The following RBM15 variants were observed in gnomAD, a reference collection of about 807,000 sequenced individuals.
RBM15 encodes the protein RNA-binding protein 15.
RBM15 carries 8 observed loss-of-function variants against 62.6 expected under a neutral mutation model. That is an observed-to-expected ratio of 0.13 (90% confidence interval 0.07 to 0.23). The LOEUF (loss-of-function observed/expected upper bound fraction) is 0.23. RBM15 is among the 10% of genes least tolerant of loss of function. The probability of loss-of-function intolerance (pLI) is 1.00; values close to 1 mark genes in which losing one functional copy is unlikely to be tolerated. For synonymous variants in RBM15, 606 were observed against 505.7 expected, an observed-to-expected ratio of 1.20 and a Z score of -2.66; for missense variants, 1,144 against 1,286.5, an observed-to-expected ratio of 0.89 and a Z score of 1.69.
rs1359044531 is a variant in RBM15, at chr1:110,342,965, C to T, written c.2863+697C>T. On this transcript the variant is annotated intron_variant, in intron 1 of 2. Transcript: ENST00000369784. ...AAAAATTAAGGACTATGTTACAAAC[C>T]ATATATGTCTTATGCTTACACTAGT... 5.9e-5 allele frequency among the ~76,000 whole-genome samples: 9 copies of T among 152,162 alleles called. No homozygotes were observed. In the East Asian group the frequency reaches 1.5e-3, roughly 26 times the overall value.
chr1:110,343,361 T>C (rs1255937774), intron 1 of RBM15, among the ~76,000 whole-genome samples: 13 of 152,232 alleles, frequency 8.5e-5, no homozygotes. Flanking sequence ...CATTACATTA[T>C]TGAAAATGTT....
Position 110,339,576 on chromosome 1 carries a change from C to T in RBM15, c.171C>T (p.Arg57=), listed in dbSNP as rs763912671. The change falls in exon 1 of 3, where the codon CGC becomes CGT. Residue 57 remains arginine (R), a synonymous_variant. Transcript: ENST00000369784. ...AGCGCTCGCCAGTGAAGGCCAAACG[C>T]TCCCGTGGTGGTGAGGACTCGACTT... ...GKERSPVKAK[R]SRGGEDSTSR... The T allele has an allele frequency of 1.7e-5, 28 of 1,607,036 alleles. No homozygotes were observed. The highest frequency in any genetic ancestry group is 2.1e-5 in the Non-Finnish European group (25 of 1,174,906).
chr1:110,346,616 CG>C lies in RBM15; in HGVS notation c.*350del. ...AGCTTAAGAGTAGCTGTCTCTCAAA[CG>C]TGCGCTCACAGTTGAGCTGCTTTTG... On this transcript the variant is annotated 3_prime_UTR_variant, in exon 3 of 3. Coordinates refer to ENST00000369784, the MANE Select transcript of RBM15 (RefSeq NM_022768.5). 2.2e-6 allele frequency: 1 copy of C among 458,776 alleles called. No homozygotes were observed. Among genetic ancestry groups the C allele is most frequent in the Non-Finnish European group, 3.9e-6 (1 of 259,240 alleles). The allele number at this position is 458,776 out of a possible 1,614,324, so 28.4% of individuals were successfully genotyped here.
rs760513091 is a variant in RBM15, at chr1:110,339,888, C to T, written c.483C>T (p.Pro161=). 3.1e-6 allele frequency: 5 copies of T among 1,604,064 alleles called. No homozygotes were observed. The highest frequency in any genetic ancestry group is 3.4e-6 in the Non-Finnish European group (4 of 1,172,096). ...SRSSGAASSA[P]GGGDGAEYKT... ...CCTCTGGGGCCGCCTCCTCAGCTCC[C>T]GGCGGCGGGGACGGCGCGGAATACA... Residue 161 remains proline, a synonymous_variant, in exon 1 of 3, where the codon CCC becomes CCT. Transcript: ENST00000369784.
Position 110,339,435 on chromosome 1 carries a change from G to T in RBM15, c.30G>T (p.Pro10=). ...GGACTGCGGGGCGGGACCCTGTGCC[G>T]CGGCGGAGTCCAAGATGGCGGCGTG... is the stretch of plus-strand genomic sequence containing the variant. The part of the protein sequence containing the change: MRTAGRDPV[P]RRSPRWRRAV... The change falls in exon 1 of 3, where the codon CCG becomes CCT. Residue 10 remains proline (P), a synonymous_variant. Transcript: ENST00000369784. The T allele has an allele frequency of 6.5e-7, 1 of 1,533,820 alleles. No individual in the cohort carries two copies. The highest frequency in any genetic ancestry group is 8.8e-7 in the Non-Finnish European group (1 of 1,138,218).
At chr1:110,342,769 T>TA (rs1178046442) in intron 1 of RBM15, 2 of 153,952 alleles carry the variant, frequency 1.3e-5, no homozygotes, top group African/African-American at 4.8e-5. Flanking sequence ...ATCTCAAAGA[T>TA]ATGCTGGTAA....
At position 110,340,855 on chromosome 1, in the gene RBM15, A is replaced by G. The variant is rs770907784; in HGVS notation, c.1450A>G (p.Ile484Val). The G allele has an allele frequency of 7.4e-6, 12 of 1,614,086 alleles. No individual in the cohort carries two copies. The highest frequency in any genetic ancestry group is 1.3e-5 in the African/African-American group (1 of 74,942). The change falls in exon 1 of 3, where the codon ATA becomes GTA. Residue 484 changes from isoleucine (I) to valine (V), a missense_variant. Coordinates refer to ENST00000369784, the MANE Select transcript of RBM15 (RefSeq NM_022768.5). This position sits in a 1 kb window ranked among gnomAD's most constrained non-coding sequence, Gnocchi z 5.8. ...TGATCGATTTGGCACCATACGCACC[A>G]TAGACTACCGAAAAGGTGATAGTTG... ...EFDRFGTIRT[I>V]DYRKGDSWAY...
In RBM15 at chr1:110,339,993, C is replaced by T. The variant is rs1195596228; in HGVS notation, c.588C>T (p.Arg196=). 2 of 1,614,142 alleles carry T rather than the reference C, an allele frequency of 1.2e-6. No homozygotes were observed. The highest frequency in any genetic ancestry group is 1.7e-5 in the Admixed American group (1 of 60,026). Residue 196 remains arginine (R), a synonymous_variant, in exon 1 of 3, where the codon CGC becomes CGT. Coordinates refer to ENST00000369784, the MANE Select transcript of RBM15 (RefSeq NM_022768.5). ...VEDGLFHEFK[R]FGDVSVKISH... Reference sequence around the variant, plus strand: ...ACGGCCTGTTTCATGAGTTCAAACGCTTCGGTGATGTAAGTGTGAAAATCA... The same window carrying T: ...ACGGCCTGTTTCATGAGTTCAAACGTTTCGGTGATGTAAGTGTGAAAATCA...
At position 110,339,920 on chromosome 1, in the gene RBM15, T is replaced by G. The variant is rs763839060; in HGVS notation, c.515T>G (p.Leu172Arg). Residue 172 changes from leucine (L) to arginine (R), a missense_variant, in exon 1 of 3, where the codon CTG (leucine) becomes CGG (arginine). Transcript: ENST00000369784. Reference sequence around the variant, plus strand: ...GGGGACGGCGCGGAATACAAGACTCTGAAGATAAGCGAGTTGGGGTCCCAG... The same window carrying G: ...GGGGACGGCGCGGAATACAAGACTCGGAAGATAAGCGAGTTGGGGTCCCAG... ...GGGDGAEYKT[L>R]KISELGSQLS... 1 of 1,613,602 alleles carries G rather than the reference T, an allele frequency of 6.2e-7. No individual in the cohort carries two copies. The highest frequency in any genetic ancestry group is 8.5e-7 in the Non-Finnish European group (1 of 1,179,546).
chr1:110,339,513 A>T lies in RBM15; in HGVS notation c.108A>T (p.Gly36=), dbSNP rs575614124. The T allele has an allele frequency of 2.5e-6, 4 of 1,598,688 alleles. No individual in the cohort carries two copies. Among genetic ancestry groups the T allele is most frequent in the Admixed American group, 1.7e-5 (1 of 59,232 alleles). The stretch of plus-strand genomic sequence containing the variant: ...GGCGGCGGGTTACTCAGCTCCGCGG[A>T]GACGACCTCCGACGACCCGCAACAA... ...SAGRRVTQLR[G]DDLRRPATMK... Residue 36 remains glycine, a synonymous_variant, in exon 1 of 3, where the codon GGA becomes GGT. Coordinates refer to ENST00000369784, the MANE Select transcript of RBM15 (RefSeq NM_022768.5).
chr1:110,343,588 A>G (rs1325154889), intron 1 of RBM15, among the ~76,000 whole-genome samples: 1 of 151,076 alleles, frequency 6.6e-6, no homozygotes, highest in African/African-American at 2.4e-5. Context: ...GCTTAACAGT[A>G]ATGGATTTTT....
chr1:110,340,152 T>C lies in RBM15; in HGVS notation c.747T>C (p.Ala249=). The C allele has an allele frequency of 6.2e-7, 1 of 1,613,880 alleles. No individual in the cohort carries two copies. The highest frequency in any genetic ancestry group is 8.5e-7 in the Non-Finnish European group (1 of 1,179,922). The part of the protein sequence containing the change: ...VLYDRPLKIE[A]VYVSRRRSRS... ...ATGACCGGCCTCTGAAGATAGAAGC[T>C]GTGTATGTGAGCCGGCGCCGCAGCC... is the stretch of plus-strand genomic sequence containing the variant. Residue 249 remains alanine (A), a synonymous_variant, in exon 1 of 3, where the codon GCT becomes GCC. Coordinates refer to ENST00000369784, the MANE Select transcript of RBM15 (RefSeq NM_022768.5). The surrounding 1 kb of genome is among the most constrained non-coding windows in gnomAD (Gnocchi z 5.8).
chr1:110,343,199 C>G (rs1441760633), intron 1 of RBM15, among the ~76,000 whole-genome samples: 1 of 152,152 alleles, frequency 6.6e-6, no homozygotes, highest in East Asian at 1.9e-4. Flanking sequence ...GAAGAGTTGT[C>G]TGCAGGCTCA....
chr1:110,339,419 G>A lies in RBM15; in HGVS notation c.14G>A (p.Gly5Glu). 1 of 1,525,468 alleles carries A rather than the reference G, an allele frequency of 6.6e-7. No individual in the cohort carries two copies. The highest frequency in any genetic ancestry group is 8.8e-7 in the Non-Finnish European group (1 of 1,135,376). 94.5% of individuals were successfully genotyped at this position (1,525,468 alleles called of 1,614,324 possible). Residue 5 changes from glycine to glutamate, a missense_variant, in exon 1 of 3, where the codon GGG (glycine) becomes GAG (glutamate). Transcript: ENST00000369784. ...AGCAATTGGCCAATGAGGACTGCGG[G>A]GCGGGACCCTGTGCCGCGGCGGAGT... MRTA[G>E]RDPVPRRSPR... is the part of the protein sequence containing the mutation.
Position 110,342,129 on chromosome 1 carries a change from G to C in RBM15, c.2724G>C (p.Val908=). 2 of 1,614,028 alleles carry C rather than the reference G, an allele frequency of 1.2e-6. No individual in the cohort carries two copies. Among genetic ancestry groups the C allele is most frequent in the Non-Finnish European group, 1.7e-6 (2 of 1,179,936 alleles). Residue 908 remains valine (V), a synonymous_variant, in exon 1 of 3, where the codon GTG becomes GTC. Coordinates refer to ENST00000369784, the MANE Select transcript of RBM15 (RefSeq NM_022768.5). ...KQAAGVISLP[V]GGNKDKENTG... ...CAGCCGGGGTGATCAGCCTCCCTGT[G>C]GGGGGCAACAAAGACAAGGAAAACA...
In RBM15 at chr1:110,340,062, T is replaced by C; in HGVS notation, c.657T>C (p.Phe219=). 6.2e-7 allele frequency: 1 copy of C among 1,613,964 alleles called. No individual in the cohort carries two copies. The highest frequency in any genetic ancestry group is 2.2e-5 in the East Asian group (1 of 44,880). The change falls in exon 1 of 3, where the codon TTT becomes TTC. Residue 219 remains phenylalanine (F), a synonymous_variant. Coordinates refer to ENST00000369784, the MANE Select transcript of RBM15 (RefSeq NM_022768.5). The surrounding 1 kb of genome is among the most constrained non-coding windows in gnomAD (Gnocchi z 5.8). ...GCAGCGGGGATGAGCGGGTAGCCTT[T>C]GTGAACTTCCGGCGGCCAGAGGACG... The part of the protein sequence containing the change: ...GSGSGDERVA[F]VNFRRPEDAR...
chr1:110,342,464 A>C lies in RBM15; in HGVS notation c.2863+196A>C, dbSNP rs183267960. The C allele has an allele frequency of 8.8e-5, 41 of 463,530 alleles. No homozygotes were observed. In the Admixed American group the frequency reaches 1.2e-3, roughly 14 times the overall value. The allele number at this position is 463,530 out of a possible 1,614,324, so 28.7% of individuals were successfully genotyped here. A position where few individuals can be genotyped will look rare whatever the true frequency, so the allele number is the denominator to read the frequency against. On this transcript the variant is annotated intron_variant, in intron 1 of 2. Coordinates refer to ENST00000369784, the MANE Select transcript of RBM15 (RefSeq NM_022768.5). ...TAGCTATTTTTTTGTTTGTTTAGCTATTATTTTAAGTGAAAGGGATGCCCT... is the reference window on the plus strand; with the variant it reads ...TAGCTATTTTTTTGTTTGTTTAGCTCTTATTTTAAGTGAAAGGGATGCCCT...
Position 110,340,695 on chromosome 1 carries a change from C to A in RBM15, c.1290C>A (p.Ala430=). 6.2e-7 allele frequency: 1 copy of A among 1,614,170 alleles called. No homozygotes were observed. The highest frequency in any genetic ancestry group is 8.5e-7 in the Non-Finnish European group (1 of 1,180,022). The part of the protein sequence containing the change: ...KFENLDMSHR[A]KLAMSGKIII... ...AGAACTTAGATATGTCTCACCGGGC[C>A]AAATTAGCAATGTCTGGCAAAATTA... The change falls in exon 1 of 3, where the codon GCC becomes GCA. Residue 430 remains alanine, a synonymous_variant. Coordinates refer to ENST00000369784, the MANE Select transcript of RBM15 (RefSeq NM_022768.5). The surrounding 1 kb of genome is among the most constrained non-coding windows in gnomAD (Gnocchi z 5.8).
Position 110,339,915 on chromosome 1 carries a change from G to A in RBM15, c.510G>A (p.Lys170=), listed in dbSNP as rs758185400. The A allele has an allele frequency of 1.1e-5, 18 of 1,613,038 alleles. No individual in the cohort carries two copies. Among genetic ancestry groups the A allele is most frequent in the Non-Finnish European group, 1.4e-5 (16 of 1,179,050 alleles). The part of the protein sequence containing the change: ...APGGGDGAEY[K]TLKISELGSQ... ...GCGGCGGGGACGGCGCGGAATACAAGACTCTGAAGATAAGCGAGTTGGGGT... is the reference window on the plus strand; with the variant it reads ...GCGGCGGGGACGGCGCGGAATACAAAACTCTGAAGATAAGCGAGTTGGGGT... The change falls in exon 1 of 3, where the codon AAG becomes AAA. Residue 170 remains lysine, a synonymous_variant. Coordinates refer to ENST00000369784, the MANE Select transcript of RBM15 (RefSeq NM_022768.5).
Sources: gnomAD v4.1 joint callset for allele counts (sites outside exome capture counted in the v4.1 genomes callset) on GRCh38, gnomAD v4.1.1 for gene constraint, Gnocchi (gnomAD v3.1) non-coding constraint, MANE v1.5 for transcripts, NCBI Gene and HGNC (gene_info 2026-07-23, HGNC 2026-07-21) for gene names.